The following GALNT16 variants were observed in gnomAD, a reference collection of about 807,000 sequenced individuals.
GALNT16 encodes polypeptide N-acetylgalactosaminyltransferase 16.
GALNT16 carries 40 observed loss-of-function variants against 76.1 expected under a neutral mutation model. That is an observed-to-expected ratio of 0.53 (90% CI 0.41 to 0.68). GALNT16 has a LOEUF of 0.68. GALNT16 is among the 30% of genes least tolerant of loss of function. The pLI, the probability that GALNT16 is intolerant of heterozygous loss-of-function variation, is 0.00. For missense variants in GALNT16, 621 were observed against 731.9 expected, an observed-to-expected ratio of 0.85 and a Z score of 1.75; for synonymous variants, 276 against 285.2, an observed-to-expected ratio of 0.97 and a Z score of 0.32.
downstream of GALNT16, among the ~76,000 whole-genome samples, chr14:69,360,604 TAA>T (rs34205304): frequency 8.6e-6 from 1 of 116,214 alleles, no homozygotes; most frequent in African/African-American, 3.1e-5. Context: ...TGAGACTGTC[TAA>T]AAAAAAAAGA....
chr14:69,274,417 A>G (rs936097455), intron 1 of GALNT16, among the ~76,000 whole-genome samples: 2 of 152,182 alleles, frequency 1.3e-5, no homozygotes, highest in African/African-American at 4.8e-5. Context: ...TGGCTTGGCT[A>G]AATGGTTCTG....
chr14:69,375,194 A>G, the GALNT16 span, among the ~76,000 whole-genome samples: 4 of 152,152 alleles, frequency 2.6e-5, no homozygotes, highest in Non-Finnish European at 5.9e-5. Context: ...TCCTTGCCTT[A>G]TATTAAGTAT....
At position 69,260,186 on chromosome 14, in the gene GALNT16, A is replaced by G. The variant is rs904530481; in HGVS notation, c.-105A>G. The G allele has an allele frequency of 1.8e-5, 8 of 453,594 alleles. No individual in the cohort carries two copies. In the Admixed American group the frequency reaches 2.0e-4, roughly 11 times the overall value. 28.1% of individuals were successfully genotyped at this position (453,594 alleles called of 1,614,324 possible). A position where few individuals can be genotyped will look rare whatever the true frequency, so the allele number is the denominator to read the frequency against. On this transcript the variant is annotated 5_prime_UTR_variant, in exon 1 of 15. Transcript: ENST00000448469. ...CTTTTTCTGCTCTGCAGGACTGAGC[A>G]GCTAGGCGCGAGCGAAAACAAACAG...
chr14:69,269,546 T>G (rs1416920519), intron 1 of GALNT16, among the ~76,000 whole-genome samples: 1 of 149,780 alleles, frequency 6.7e-6, no homozygotes, highest in Non-Finnish European at 1.5e-5. Context: ...GTGATGTGTG[T>G]GATGTGAGGT....
chr14:69,262,711 C>G (rs958571130), intron 1 of GALNT16, among the ~76,000 whole-genome samples: 2 of 147,452 alleles, frequency 1.4e-5, no homozygotes, highest in Admixed American at 6.6e-5. Context: ...CAGCACTGAC[C>G]CCCCCGTCAG....
chr14:69,280,691 T>C (rs2044529310), intron 1 of GALNT16, among the ~76,000 whole-genome samples: 1 of 152,132 alleles, frequency 6.6e-6, no homozygotes, highest in Non-Finnish European at 1.5e-5. Context: ...CTAGAAAGTA[T>C]ACAATGAACA....
In GALNT16 at chr14:69,353,227, C is replaced by T. The variant is rs2045660778; in HGVS notation, c.*1059C>T. ...AACTTCCCTTCTGGACCAAGAACAG[C>T]CCCTAAGTCATTAGGGTTCAACCTC... On this transcript the variant is annotated 3_prime_UTR_variant, in exon 15 of 15. Transcript: ENST00000448469. 1.3e-5 allele frequency: 2 copies of T among 152,148 alleles called. No homozygotes were observed. Among genetic ancestry groups the T allele is most frequent in the Non-Finnish European group, 2.9e-5 (2 of 68,044 alleles). 9.4% of individuals were successfully genotyped at this position (152,148 alleles called of 1,614,324 possible). A position where few individuals can be genotyped will look rare whatever the true frequency, so the allele number is the denominator to read the frequency against.
At chr14:69,273,753 C>T (rs1486540851) in intron 1 of GALNT16, among the ~76,000 whole-genome samples, 1 of 152,178 alleles carries the variant, frequency 6.6e-6, no homozygotes, top group Non-Finnish European at 1.5e-5. Flanking sequence ...ATACCCACTT[C>T]ACATATTTGG....
Position 69,325,403 on chromosome 14 carries a change from T to A in GALNT16, c.501T>A (p.Asp167Glu). The change falls in exon 4 of 15, where the codon GAT becomes GAA. Residue 167 changes from aspartate to glutamate, a missense_variant and splice_region_variant. Physicochemically the swap from Asp to Glu is conservative, Grantham distance 45. Transcript: ENST00000448469. ...TTTTAGTGGATGACTTCAGCTCAGA[T>A]CGTGAGTAGTCACCTTCCTTTTTGC... is the stretch of plus-strand genomic sequence containing the variant. ...EIILVDDFSS[D>E]PEDCLLLTRI... 1 of 1,566,210 alleles carries A rather than the reference T, an allele frequency of 6.4e-7. No individual in the cohort carries two copies. The highest frequency in any genetic ancestry group is 8.8e-7 in the Non-Finnish European group (1 of 1,136,338).
chr14:69,299,231 C>A (rs1269845466), intron 1 of GALNT16, among the ~76,000 whole-genome samples: 1 of 152,212 alleles, frequency 6.6e-6, no homozygotes, highest in East Asian at 1.9e-4. Flanking sequence ...TCCTTTCATT[C>A]TTTCTTGAAT....
the GALNT16 span, among the ~76,000 whole-genome samples, chr14:69,381,336 C>T: frequency 1.3e-5 from 2 of 152,294 alleles, no homozygotes; most frequent in African/African-American, 2.4e-5. Flanking sequence ...AACTAAAAAA[C>T]CTTTAAAAAA....
Position 69,293,995 on chromosome 14 carries a change from ATTT to A in GALNT16, c.178-26714_178-26712del, listed in dbSNP as rs2044720927. Among the ~76,000 whole-genome samples, 3 of 151,990 alleles carry A rather than the reference ATTT, an allele frequency of 2.0e-5. No homozygotes were observed. In the South Asian group the frequency reaches 6.2e-4, roughly 32 times the overall value. ...AACCTCTGCCTCCCAGGTTCAAGCA[ATTT>A]TCCTGCCTCAGCCTCCTGAGTAGTT... is the stretch of plus-strand genomic sequence containing the variant. On this transcript the variant is annotated intron_variant, in intron 1 of 14. Coordinates refer to ENST00000448469, the MANE Select transcript of GALNT16 (RefSeq NM_001168368.2).
At chr14:69,272,390 TA>T (rs1433530491) in intron 1 of GALNT16, among the ~76,000 whole-genome samples, 1 of 151,892 alleles carries the variant, frequency 6.6e-6, no homozygotes, top group East Asian at 1.9e-4. Context: ...AATACATAAA[TA>T]AAAAGTGCTA....
chr14:69,359,632 GA>G (rs1175091246), downstream of GALNT16, among the ~76,000 whole-genome samples: 3 of 152,170 alleles, frequency 2.0e-5, no homozygotes, highest in Non-Finnish European at 2.9e-5. Flanking sequence ...GTTGAGAGAA[GA>G]AATTTGCCCA....
In GALNT16 at chr14:69,333,755, T is replaced by C; in HGVS notation, c.967+155T>C. On this transcript the variant is annotated intron_variant, in intron 9 of 14. Coordinates refer to ENST00000448469, the MANE Select transcript of GALNT16 (RefSeq NM_001168368.2). This position sits in a 1 kb window ranked among gnomAD's most constrained non-coding sequence, Gnocchi z 4.2. ...CAAGGACCCTCTGAGGTAAGTACCA[T>C]GATCTCCATTTTACTGATTTTAAAA... The C allele has an allele frequency of 1.7e-6, 1 of 571,742 alleles. No homozygotes were observed. The highest frequency in any genetic ancestry group is 3.1e-6 in the Non-Finnish European group (1 of 326,368). The allele number at this position is 571,742 out of a possible 1,614,324, so 35.4% of individuals were successfully genotyped here.
At chr14:69,283,723 T>G (rs1413571058) in intron 1 of GALNT16, among the ~76,000 whole-genome samples, 1 of 152,212 alleles carries the variant, frequency 6.6e-6, no homozygotes, top group Non-Finnish European at 1.5e-5. Flanking sequence ...TAAGAAGATT[T>G]GATTATTTAC....
chr14:69,296,805 C>CCAGA (rs1491140135), intron 1 of GALNT16, among the ~76,000 whole-genome samples: 1 of 148,186 alleles, frequency 6.7e-6, no homozygotes, highest in African/African-American at 2.5e-5. Context: ...ACAGATAGAG[C>CCAGA]TAGATAGATA....
At chr14:69,321,777 G>A (rs917686486) in intron 2 of GALNT16, among the ~76,000 whole-genome samples, 18 of 152,322 alleles carry the variant, frequency 1.2e-4, no homozygotes, top group Admixed American at 5.9e-4. Context: ...TTCCCAACCC[G>A]GGCTAGGTTG....
intron 13 of GALNT16, among the ~76,000 whole-genome samples, chr14:69,347,666 C>T (rs773589974): frequency 2.0e-5 from 3 of 152,188 alleles, no homozygotes; most frequent in Admixed American, 6.5e-5. Context: ...GCTAAGCTCC[C>T]CCACCCCAGC....
Sources: allele counts gnomAD v4.1 joint callset (sites outside exome capture counted in the v4.1 genomes callset), GRCh38; gene constraint gnomAD v4.1.1; non-coding constraint Gnocchi (gnomAD v3.1); transcripts MANE v1.5; gene names NCBI Gene and HGNC (gene_info 2026-07-23, HGNC 2026-07-21).